TENM4: variants seen among roughly 807,000 people sequenced by gnomAD.
TENM4 encodes the protein teneurin transmembrane protein 4.
In TENM4, 82 loss-of-function variants were observed where a neutral mutation model predicts 243.3. The ratio of observed to expected loss-of-function variants is 0.34; its 90% CI spans 0.28 to 0.40. TENM4 has a LOEUF of 0.40. TENM4 is among the 10% of genes least tolerant of loss of function. The probability of loss-of-function intolerance (pLI) is 1.00; values close to 1 mark genes in which losing one functional copy is unlikely to be tolerated. For synonymous variants in TENM4, 1,412 were observed against 1,456.3 expected (o/e 0.97, Z 0.69); for missense variants, 3,138 against 3,673.3 (o/e 0.85, Z 3.77).
At chr11:79,053,898 G>T (rs1206186593) in intron 6 of TENM4, among the ~76,000 whole-genome samples, 1 of 152,164 alleles carries the variant, frequency 6.6e-6, no homozygotes, top group Non-Finnish European at 1.5e-5. Context: ...CTGTCCATCT[G>T]CCTGGGTTGA....
At chr11:78,877,234 C>T (rs1859289710) in intron 9 of TENM4, among the ~76,000 whole-genome samples, 1 of 151,792 alleles carries the variant, frequency 6.6e-6, no homozygotes, top group Non-Finnish European at 1.5e-5. Flanking sequence ...GTTTTTTCAG[C>T]CCTCTCTCTT....
Position 78,688,184 on chromosome 11 carries a change from A to G in TENM4, c.5130T>C (p.Thr1710=), listed in dbSNP as rs1036560735. The G allele has an allele frequency of 1.7e-5, 27 of 1,613,728 alleles. No individual in the cohort carries two copies. The highest frequency in any genetic ancestry group is 2.1e-5 in the Non-Finnish European group (25 of 1,179,804). ...CACTTCGGAAACTGCTCACCTGGCC[A>G]GTAGGGAAGGTCACATTTGTCAGGC... ...FGRLTNVTFP[T]GQVSSFRSDT... The change falls in exon 29 of 34, where the codon ACT becomes ACC. Residue 1710 remains threonine (T), a synonymous_variant. Coordinates refer to ENST00000278550, the MANE Select transcript of TENM4 (RefSeq NM_001098816.3).
At chr11:79,011,630 G>A (rs992379653) in intron 6 of TENM4, among the ~76,000 whole-genome samples, 3 of 152,328 alleles carry the variant, frequency 2.0e-5, no homozygotes, top group Admixed American at 6.5e-5. Context: ...ACCCCAACAG[G>A]GGTCTGCACC....
chr11:79,283,207 CACACAA>C (rs1450887694), intron 2 of TENM4, among the ~76,000 whole-genome samples: 69 of 117,214 alleles, frequency 5.9e-4, no homozygotes, highest in Middle Eastern at 4.3e-3. Context: ...ACATCACACA[CACACAA>C]ACACACACAC....
chr11:79,176,498 A>G (rs1451707294), intron 3 of TENM4, among the ~76,000 whole-genome samples: 1 of 152,210 alleles, frequency 6.6e-6, no homozygotes, highest in African/African-American at 2.4e-5. Context: ...AATCAACACC[A>G]TCTTCTGAGA....
At chr11:79,208,523 T>C (rs1223936609) in intron 3 of TENM4, among the ~76,000 whole-genome samples, 1 of 152,222 alleles carries the variant, frequency 6.6e-6, no homozygotes, top group African/African-American at 2.4e-5. Flanking sequence ...CTTGATGTTG[T>C]TCTTGTGATT....
intron 2 of TENM4, among the ~76,000 whole-genome samples, chr11:79,277,770 C>G (rs1013822540): frequency 6.6e-6 from 1 of 152,050 alleles, no homozygotes; most frequent in African/African-American, 2.4e-5. Context: ...CAGAGAAACC[C>G]CAAAGGTGCT....
chr11:79,112,250 C>G (rs974591199), intron 4 of TENM4, among the ~76,000 whole-genome samples: 2 of 152,156 alleles, frequency 1.3e-5, no homozygotes, highest in Non-Finnish European at 2.9e-5. Flanking sequence ...CAACCAAATT[C>G]TAGAATGTGG....
intron 4 of TENM4, among the ~76,000 whole-genome samples, chr11:79,139,040 T>G (rs1294894115): frequency 2.9e-5 from 1 of 34,816 alleles, no homozygotes; most frequent in South Asian, 1.2e-3. Context: ...TATATTTCTA[T>G]AAATATATAA....
At chr11:79,389,975 A>G (rs1039484865) in intron 1 of TENM4, among the ~76,000 whole-genome samples, 9 of 152,160 alleles carry the variant, frequency 5.9e-5, no homozygotes, top group Admixed American at 2.0e-4. Flanking sequence ...GAAAAGTAAC[A>G]TGGTGGGTTT....
intron 28 of TENM4, among the ~76,000 whole-genome samples, chr11:78,690,578 T>C (rs1167997805): frequency 1.3e-5 from 2 of 152,166 alleles, no homozygotes; most frequent in South Asian, 4.1e-4. Flanking sequence ...ATGCCTTAAA[T>C]TCCAGGCTGT....
intron 6 of TENM4, among the ~76,000 whole-genome samples, chr11:79,002,011 G>T (rs1018927593): frequency 6.6e-6 from 1 of 152,114 alleles, no homozygotes; most frequent in Non-Finnish European, 1.5e-5. Flanking sequence ...TGCATCCAGG[G>T]TGCACCTGGC....
Position 79,066,810 on chromosome 11 carries a change from T to C in TENM4, c.224-1803A>G, listed in dbSNP as rs184678356. 2.9e-3 allele frequency among the ~76,000 whole-genome samples: 440 copies of C among 152,128 alleles called. 1 individual carries two copies. Among genetic ancestry groups the C allele is most frequent in the African/African-American group, 0.01 (426 of 41,490 alleles). ...CTCTGGCAGTACTCTGGACAACAGATAAGGGGACAAGGAAGCGGGGAGGAG... is the reference window on the plus strand; with the variant it reads ...CTCTGGCAGTACTCTGGACAACAGACAAGGGGACAAGGAAGCGGGGAGGAG... On this transcript the variant is annotated intron_variant, in intron 5 of 33. Transcript: ENST00000278550.
chr11:79,339,039 C>A (rs998911659), intron 1 of TENM4, among the ~76,000 whole-genome samples: 2 of 152,206 alleles, frequency 1.3e-5, no homozygotes, highest in Non-Finnish European at 2.9e-5. Context: ...ACCTCAAACA[C>A]AACACAGTCA....
chr11:79,204,092 G>A (rs1401520213), intron 3 of TENM4, among the ~76,000 whole-genome samples: 1 of 151,380 alleles, frequency 6.6e-6, no homozygotes, highest in East Asian at 1.9e-4. Context: ...TGGGAATAAG[G>A]TGGTGCAGGG....
At chr11:79,372,362 G>A (rs1051785479) in intron 1 of TENM4, among the ~76,000 whole-genome samples, 1 of 152,182 alleles carries the variant, frequency 6.6e-6, no homozygotes, top group African/African-American at 2.4e-5. Context: ...AAAATTATAT[G>A]TTTGCAGAAG....
chr11:78,907,257 T>TC, intron 6 of TENM4, among the ~76,000 whole-genome samples: 1 of 151,662 alleles, frequency 6.6e-6, no homozygotes, highest in East Asian at 1.9e-4. Flanking sequence ...TTTTTTTTTT[T>TC]TTTTTGCTCC....
At chr11:79,340,875 G>A (rs1362314143) in intron 1 of TENM4, among the ~76,000 whole-genome samples, 2 of 152,150 alleles carry the variant, frequency 1.3e-5, no homozygotes, top group Non-Finnish European at 2.9e-5. Flanking sequence ...CTAATCCCCA[G>A]AGTCTATAAG....
intron 1 of TENM4, among the ~76,000 whole-genome samples, chr11:79,379,601 A>T (rs1430502244): frequency 6.6e-6 from 1 of 152,162 alleles, no homozygotes; most frequent in East Asian, 1.9e-4. Context: ...AGCATCCACT[A>T]TTTTATATGC....
Sources: gnomAD v4.1 joint callset for allele counts (sites outside exome capture counted in the v4.1 genomes callset) on GRCh38, gnomAD v4.1.1 for gene constraint, MANE v1.5 for transcripts, NCBI Gene and HGNC (gene_info 2026-07-23, HGNC 2026-07-21) for gene names.